Variants in FBLN1 observed in about 807,000 individuals in gnomAD.
FBLN1 encodes fibulin 1.
Under a neutral mutation model 89.7 loss-of-function variants are expected in FBLN1, and 34 were observed. The ratio of observed to expected loss-of-function variants is 0.38; its 90% CI spans 0.29 to 0.50. The LOEUF (loss-of-function observed/expected upper bound fraction) is 0.50, where lower values mean the gene tolerates loss of function less well. FBLN1 is among the 20% of genes least tolerant of loss of function. FBLN1 has a pLI of 0.92. For synonymous variants in FBLN1, 393 were observed against 391.3 expected, an observed-to-expected ratio of 1.00 and a Z score of -0.05; for missense variants, 777 against 988.1, an observed-to-expected ratio of 0.79 and a Z score of 2.86.
chr22:45,596,912 CAT>C lies in FBLN1; in HGVS notation c.1973-3390_1973-3389del, dbSNP rs199890555. ...TATATAAATTTGACATACTTTATAA[CAT>C]ATATTTTTAATATATTGTTTTATAT... On this transcript the variant is annotated intron_variant, in intron 16 of 16. Coordinates refer to ENST00000327858, the MANE Select transcript of FBLN1 (RefSeq NM_006486.3). 6.0e-3 allele frequency among the ~76,000 whole-genome samples: 888 copies of C among 148,276 alleles called. 9 individuals are homozygous for C. The highest frequency in any genetic ancestry group is 0.017 in the Admixed American group (257 of 14,794).
In FBLN1 at chr22:45,563,311, AC is replaced by A. The variant is rs755062895; in HGVS notation, c.1698-11197del. The A allele has an allele frequency of 1.2e-6, 2 of 1,612,106 alleles. No individual in the cohort carries two copies. Among genetic ancestry groups the A allele is most frequent in the South Asian group, 2.2e-5 (2 of 91,022 alleles). ...GGGTCTCCCTCCTGTTGCTTTCCTAACCCTGCCCTCCGGGGCGTTAATAAAG... is the reference window on the plus strand; with the variant it reads ...GGGTCTCCCTCCTGTTGCTTTCCTAACCTGCCCTCCGGGGCGTTAATAAAG... On this transcript the variant is annotated intron_variant, in intron 14 of 16. Coordinates refer to ENST00000327858, the MANE Select transcript of FBLN1 (RefSeq NM_006486.3). This position sits in a 1 kb window ranked among gnomAD's most constrained non-coding sequence, Gnocchi z 5.7.
intron 1 of FBLN1, among the ~76,000 whole-genome samples, chr22:45,506,185 G>A (rs2146934428): frequency 6.6e-6 from 1 of 152,380 alleles, no homozygotes; most frequent in South Asian, 2.1e-4. Context: ...GAGGAGATGA[G>A]GCTTGATGTG....
chr22:45,528,120 G>C, intron 4 of FBLN1, 111 bp downstream of exon 4: 2 of 1,150,476 alleles, frequency 1.7e-6, no homozygotes, highest in African/African-American at 6.8e-5. Context: ...TCATGTGATC[G>C]TGGGGCTGGC....
intron 14 of FBLN1, among the ~76,000 whole-genome samples, chr22:45,566,178 C>G (rs2088900301): frequency 3.3e-5 from 5 of 152,334 alleles, no homozygotes; most frequent in African/African-American, 1.2e-4. Flanking sequence ...GAAGGAACAC[C>G]TGTGCCTTCA....
At chr22:45,596,083 A>G (rs998407104) in intron 16 of FBLN1, among the ~76,000 whole-genome samples, 1 of 152,144 alleles carries the variant, frequency 6.6e-6, no homozygotes, top group Admixed American at 6.5e-5. Context: ...GTTAGCCAGG[A>G]TGGTCTTGAT....
rs998466824 is a variant in FBLN1 at position 45,576,969 on chromosome 22, C to T, written c.1841-8C>T. On this transcript the variant is annotated splice_polypyrimidine_tract_variant and splice_region_variant and intron_variant, in intron 15 of 16. Coordinates refer to ENST00000327858, the MANE Select transcript of FBLN1 (RefSeq NM_006486.3). This position sits in a 1 kb window ranked among gnomAD's most constrained non-coding sequence, Gnocchi z 5.2. Reference sequence around the variant, plus strand: ...TGCTGAGCCCTTCTCCATTCTGTGCCTCTGCAGAGATCATCTTCCTCCGGG... The same window carrying T: ...TGCTGAGCCCTTCTCCATTCTGTGCTTCTGCAGAGATCATCTTCCTCCGGG... 5 of 1,613,660 alleles carry T rather than the reference C, an allele frequency of 3.1e-6. No homozygotes were observed. Among genetic ancestry groups the T allele is most frequent in the Non-Finnish European group, 4.2e-6 (5 of 1,180,032 alleles).
Position 45,563,339 on chromosome 22 carries a change from C to A in FBLN1, c.1698-11172C>A. 5 of 1,604,964 alleles carry A rather than the reference C, an allele frequency of 3.1e-6. No homozygotes were observed. The highest frequency in any genetic ancestry group is 1.1e-5 in the South Asian group (1 of 90,382). On this transcript the variant is annotated intron_variant, in intron 14 of 16. Coordinates refer to ENST00000327858, the MANE Select transcript of FBLN1 (RefSeq NM_006486.3). This position sits in a 1 kb window ranked among gnomAD's most constrained non-coding sequence, Gnocchi z 5.7. ...CTGCCCTCCGGGGCGTTAATAAAGT[C>A]TTAGCAAGCGTCCCACACAGTGAGC... is the stretch of plus-strand genomic sequence containing the variant.
rs992230510 is a variant in FBLN1 at position 45,563,813 on chromosome 22, C to G, written c.1698-10698C>G. Among the ~76,000 whole-genome samples the G allele has an allele frequency of 6.6e-6, 1 of 152,178 alleles. No individual in the cohort carries two copies. Among genetic ancestry groups the G allele is most frequent in the African/African-American group, 2.4e-5 (1 of 41,456 alleles). On this transcript the variant is annotated intron_variant, in intron 14 of 16. Transcript: ENST00000327858. The surrounding 1 kb of genome is among the most constrained non-coding windows in gnomAD (Gnocchi z 5.7). ...CCCGGAGGTGAGCATTTCACTGAGA[C>G]AAGAAAGCTCTCTCCTGAGATTCAA...
chr22:45,562,961 C>T lies in FBLN1; in HGVS notation c.1698-11550C>T. On this transcript the variant is annotated intron_variant, in intron 14 of 16. Coordinates refer to ENST00000327858, the MANE Select transcript of FBLN1 (RefSeq NM_006486.3). The surrounding 1 kb of genome is among the most constrained non-coding windows in gnomAD (Gnocchi z 7.8). ...TGAGAATCGGGAGTGCTCCAAGCTGCCTCTGAGAATAACCTACTACCACCT... is the reference window on the plus strand; with the variant it reads ...TGAGAATCGGGAGTGCTCCAAGCTGTCTCTGAGAATAACCTACTACCACCT... 6.2e-7 allele frequency: 1 copy of T among 1,614,070 alleles called. No homozygotes were observed. Among genetic ancestry groups the T allele is most frequent in the Non-Finnish European group, 8.5e-7 (1 of 1,180,028 alleles).
chr22:45,573,509 A>G (rs928719373), intron 14 of FBLN1, among the ~76,000 whole-genome samples: 4 of 151,242 alleles, frequency 2.6e-5, no homozygotes, highest in African/African-American at 9.7e-5. Context: ...CCCTGTCTCT[A>G]CTAAAAAAAA....
chr22:45,585,018 A>G (rs1192511907), intron 16 of FBLN1, among the ~76,000 whole-genome samples: 1 of 152,208 alleles, frequency 6.6e-6, no homozygotes, highest in Non-Finnish European at 1.5e-5. Context: ...TGCTTTTAAG[A>G]AGCTCCCCAC....
chr22:45,555,833 C>G (rs1381906228), intron 14 of FBLN1, among the ~76,000 whole-genome samples: 1 of 152,124 alleles, frequency 6.6e-6, no homozygotes, highest in Non-Finnish European at 1.5e-5. Flanking sequence ...CGACCAGAAA[C>G]TCACCAATCC....
chr22:45,521,810 T>G (rs1413245454), intron 2 of FBLN1, among the ~76,000 whole-genome samples: 1 of 152,178 alleles, frequency 6.6e-6, no homozygotes, highest in African/African-American at 2.4e-5. Context: ...GTGATGCTAA[T>G]GAAGGGATTT....
rs2088877464 is a variant in FBLN1, at chr22:45,563,817, A to G, written c.1698-10694A>G. On this transcript the variant is annotated intron_variant, in intron 14 of 16. Coordinates refer to ENST00000327858, the MANE Select transcript of FBLN1 (RefSeq NM_006486.3). The surrounding 1 kb of genome is among the most constrained non-coding windows in gnomAD (Gnocchi z 5.7). ...GAGGTGAGCATTTCACTGAGACAAG[A>G]AAGCTCTCTCCTGAGATTCAAGCCT... Among the ~76,000 whole-genome samples, 1 of 152,152 alleles carries G rather than the reference A, an allele frequency of 6.6e-6. No homozygotes were observed. The highest frequency in any genetic ancestry group is 2.4e-5 in the African/African-American group (1 of 41,440).
intron 12 of FBLN1, 48 bp from the exon 13 acceptor site, chr22:45,548,565 T>C (rs1478560032): frequency 6.2e-7 from 1 of 1,611,658 alleles, no homozygotes; most frequent in South Asian, 1.1e-5. Flanking sequence ...CCAGCAGCCA[T>C]GGCCAGGTGC....
rs2089024036 is a variant in FBLN1 at position 45,579,317 on chromosome 22, G to A, written c.1972+2209G>A. Among the ~76,000 whole-genome samples, 1 of 152,280 alleles carries A rather than the reference G, an allele frequency of 6.6e-6. No homozygotes were observed. Among genetic ancestry groups the A allele is most frequent in the Admixed American group, 6.5e-5 (1 of 15,292 alleles). ...AAACTGAGGCCCGGAAGGGCGAGGG[G>A]GCTTGCCAGTCTTCTTACAGTGAAT... On this transcript the variant is annotated intron_variant, in intron 16 of 16. Transcript: ENST00000327858. This position sits in a 1 kb window ranked among gnomAD's most constrained non-coding sequence, Gnocchi z 5.5.
At chr22:45,593,686 A>G (rs999552977) in intron 16 of FBLN1, among the ~76,000 whole-genome samples, 6 of 152,144 alleles carry the variant, frequency 3.9e-5, no homozygotes, top group African/African-American at 1.4e-4. Flanking sequence ...GGTCCTTCCA[A>G]ATGAAACTGC....
At chr22:45,552,154 C>T (rs1449203880) in intron 14 of FBLN1, among the ~76,000 whole-genome samples, 1 of 152,218 alleles carries the variant, frequency 6.6e-6, no homozygotes, top group African/African-American at 2.4e-5. Context: ...AGGGCTTTGT[C>T]CCCGCACAGG....
At chr22:45,565,424 C>T in intron 14 of FBLN1, 1 of 508,136 alleles carries the variant, frequency 2.0e-6, no homozygotes. Flanking sequence ...GTGGCTTTAG[C>T]ATGTGCCATG....
Sources: allele counts gnomAD v4.1 joint callset (sites outside exome capture counted in the v4.1 genomes callset), GRCh38; gene constraint gnomAD v4.1.1; non-coding constraint Gnocchi (gnomAD v3.1); transcripts MANE v1.5; gene names NCBI Gene and HGNC (gene_info 2026-07-23, HGNC 2026-07-21).